The following CSNK1A1 variants were observed in gnomAD, a reference collection of about 807,000 sequenced individuals.
CSNK1A1 encodes the protein casein kinase 1 alpha 1.
CSNK1A1 carries 7 observed loss-of-function variants against 46.1 expected under a neutral mutation model. The ratio of observed to expected loss-of-function variants is 0.15; its 90% CI spans 0.09 to 0.29. CSNK1A1 has a LOEUF of 0.29. Among genes scored for constraint, CSNK1A1 ranks in the 10% least tolerant of loss-of-function variants. The pLI, the probability that CSNK1A1 is intolerant of heterozygous loss-of-function variation, is 1.00. For synonymous variants in CSNK1A1, 137 were observed against 141.5 expected (o/e 0.97, Z 0.23); for missense variants, 96 against 417.1 (o/e 0.23, Z 6.71).
At chr5:149,499,926 C>T (rs1760770051) in intron 9 of CSNK1A1, among the ~76,000 whole-genome samples, 3 of 147,866 alleles carry the variant, frequency 2.0e-5, no homozygotes, top group Non-Finnish European at 3.0e-5. Flanking sequence ...TTTATACTAA[C>T]TTTTCCTATA....
intron 2 of CSNK1A1, among the ~76,000 whole-genome samples, chr5:149,537,607 GA>G (rs1418120500): frequency 1.3e-5 from 2 of 150,334 alleles, no homozygotes; most frequent in Admixed American, 6.6e-5. Context: ...ACAAAACAAA[GA>G]AAAAAAATAA....
intron 2 of CSNK1A1, chr5:149,549,293 G>C: frequency 1.8e-6 from 1 of 570,836 alleles, no homozygotes; most frequent in South Asian, 2.1e-5. Flanking sequence ...ATTTAGTCCC[G>C]ACTGAAACGT....
chr5:149,514,572 C>G (rs1761340804), intron 4 of CSNK1A1, among the ~76,000 whole-genome samples: 2 of 152,286 alleles, frequency 1.3e-5, no homozygotes, highest in South Asian at 4.1e-4. Context: ...CTCCATTAGA[C>G]TACTGGGTCC....
chr5:149,541,419 C>T (rs1420640987), intron 2 of CSNK1A1, among the ~76,000 whole-genome samples: 1 of 152,030 alleles, frequency 6.6e-6, no homozygotes, highest in Non-Finnish European at 1.5e-5. Flanking sequence ...TCCCAAAGTG[C>T]TGGGATTACA....
intron 2 of CSNK1A1, among the ~76,000 whole-genome samples, chr5:149,545,994 T>C (rs1762468952): frequency 6.6e-6 from 1 of 151,670 alleles, no homozygotes; most frequent in Non-Finnish European, 1.5e-5. Context: ...GTTCAAGCAA[T>C]TCTCCTGCCT....
rs201494440 is a variant in CSNK1A1, at chr5:149,550,190, G to A, written c.124-9C>T. The A allele has an allele frequency of 1.2e-6, 2 of 1,612,924 alleles. No individual in the cohort carries two copies. The highest frequency in any genetic ancestry group is 1.3e-5 in the African/African-American group (1 of 75,030). On this transcript the variant is annotated splice_polypyrimidine_tract_variant and intron_variant, in intron 1 of 9. Transcript: ENST00000377843. This position sits in a 1 kb window ranked among gnomAD's most constrained non-coding sequence, Gnocchi z 4.3. ...AGCTTCACTGCCACTTCCTGCAGGG[G>A]AAAGAGGGGATGATGGCATCAACAT...
chr5:149,533,127 A>T (rs1761951486), intron 2 of CSNK1A1, among the ~76,000 whole-genome samples: 1 of 152,222 alleles, frequency 6.6e-6, no homozygotes, highest in Non-Finnish European at 1.5e-5. Context: ...CTTCAAAGAT[A>T]TGTAGATGTT....
In CSNK1A1 at chr5:149,493,919, C is replaced by T. The variant is rs1396248874; in HGVS notation, c.*2934G>A. On this transcript the variant is annotated 3_prime_UTR_variant, in exon 10 of 10. Coordinates refer to ENST00000377843, the MANE Select transcript of CSNK1A1 (RefSeq NM_001892.6). ...TATACCAGTTTGAGTCAGAACCAGACTGTTCCAGACTAGTTGGAAAACGAC... is the reference window on the plus strand; with the variant it reads ...TATACCAGTTTGAGTCAGAACCAGATTGTTCCAGACTAGTTGGAAAACGAC... The T allele has an allele frequency of 6.6e-6, 1 of 151,996 alleles. No individual in the cohort carries two copies. The highest frequency in any genetic ancestry group is 1.5e-5 in the Non-Finnish European group (1 of 67,936). 9.4% of individuals were successfully genotyped at this position (151,996 alleles called of 1,614,324 possible).
intron 2 of CSNK1A1, among the ~76,000 whole-genome samples, chr5:149,546,706 A>G (rs1762494486): frequency 6.6e-6 from 1 of 152,198 alleles, no homozygotes; most frequent in Non-Finnish European, 1.5e-5. Flanking sequence ...AAATTTGTAT[A>G]TGAAGGATAA....
intron 2 of CSNK1A1, among the ~76,000 whole-genome samples, chr5:149,532,454 A>T (rs1037835375): frequency 1.3e-5 from 2 of 151,418 alleles, no homozygotes; most frequent in African/African-American, 4.9e-5. Flanking sequence ...GCACTTTGGG[A>T]GGTCGAGGCA....
chr5:149,497,401 A>C (rs1446513547), intron 9 of CSNK1A1: 2 of 985,738 alleles, frequency 2.0e-6, no homozygotes, highest in African/African-American at 3.5e-5. Context: ...AAACTTCTTT[A>C]CCGGCCGCAT....
rs1760624025 is a variant in CSNK1A1 at position 149,495,422 on chromosome 5, T to G, written c.*1431A>C. 6.6e-6 allele frequency: 1 copy of G among 152,116 alleles called. No individual in the cohort carries two copies. Among genetic ancestry groups the G allele is most frequent in the Admixed American group, 6.5e-5 (1 of 15,272 alleles). 9.4% of individuals were successfully genotyped at this position (152,116 alleles called of 1,614,324 possible). A position where few individuals can be genotyped will look rare whatever the true frequency, so the allele number is the denominator to read the frequency against. ...TATTTAAAAATTATCATCAGTAAGT[T>G]TTCCTTTCTCATGGGTCAGAGAAAA... is the stretch of plus-strand genomic sequence containing the variant. On this transcript the variant is annotated 3_prime_UTR_variant, in exon 10 of 10. Coordinates refer to ENST00000377843, the MANE Select transcript of CSNK1A1 (RefSeq NM_001892.6).
At position 149,495,500 on chromosome 5, in the gene CSNK1A1, T is replaced by TA. The variant is rs1760627068; in HGVS notation, c.*1352dup. 6.6e-6 allele frequency: 1 copy of TA among 151,980 alleles called. No homozygotes were observed. The highest frequency in any genetic ancestry group is 2.1e-4 in the South Asian group (1 of 4,828). The allele number at this position is 151,980 out of a possible 1,614,324, so 9.4% of individuals were successfully genotyped here. ...AGGAAGCGCACGCACACAGATAACTTAAAGAAGCAGGAGGGGCTGGGGAGG... is the reference window on the plus strand; with the variant it reads ...AGGAAGCGCACGCACACAGATAACTTAAAAGAAGCAGGAGGGGCTGGGGAGG... On this transcript the variant is annotated 3_prime_UTR_variant, in exon 10 of 10. Transcript: ENST00000377843.
At chr5:149,528,717 C>G (rs2113136198) in intron 2 of CSNK1A1, among the ~76,000 whole-genome samples, 1 of 152,324 alleles carries the variant, frequency 6.6e-6, no homozygotes, top group East Asian at 1.9e-4. Flanking sequence ...AAGCCATTAA[C>G]TATTGCTTGT....
intron 9 of CSNK1A1, 70 bp from the exon 10 acceptor site, chr5:149,496,930 T>C (rs912284175): frequency 1.3e-6 from 2 of 1,523,244 alleles, no homozygotes; most frequent in Admixed American, 2.1e-5. Flanking sequence ...ACCCAAAATA[T>C]GGAAATTGGG....
At chr5:149,502,560 G>T (rs1175969195) in intron 9 of CSNK1A1, 1 of 423,782 alleles carries the variant, frequency 2.4e-6, no homozygotes, top group Non-Finnish European at 3.1e-6. Context: ...AGGGAGCTGG[G>T]ACAGGGTCTT....
chr5:149,514,598 A>G (rs1211453244), intron 4 of CSNK1A1, among the ~76,000 whole-genome samples: 1 of 152,118 alleles, frequency 6.6e-6, no homozygotes, highest in Non-Finnish European at 1.5e-5. Context: ...GCCAGTTTAT[A>G]ATTTGTGATG....
rs1760620196 is a variant in CSNK1A1 at position 149,495,287 on chromosome 5, T to C, written c.*1566A>G. 6.6e-6 allele frequency: 1 copy of C among 152,224 alleles called. No homozygotes were observed. Among genetic ancestry groups the C allele is most frequent in the African/African-American group, 2.4e-5 (1 of 41,460 alleles). 9.4% of individuals were successfully genotyped at this position (152,224 alleles called of 1,614,324 possible). ...ACCAAACACGTGTCAATTTACAATT[T>C]CAAGGTTATTTTACAAAATACCTAC... On this transcript the variant is annotated 3_prime_UTR_variant, in exon 10 of 10. Coordinates refer to ENST00000377843, the MANE Select transcript of CSNK1A1 (RefSeq NM_001892.6).
intron 9 of CSNK1A1, chr5:149,502,912 G>A (rs1005289587): frequency 5.3e-5 from 30 of 563,340 alleles, no homozygotes; most frequent in Non-Finnish European, 6.7e-5. Flanking sequence ...GGGACCATAG[G>A]TGCACGCCAC....
Sources: allele counts gnomAD v4.1 joint callset (sites outside exome capture counted in the v4.1 genomes callset), GRCh38; gene constraint gnomAD v4.1.1; non-coding constraint Gnocchi (gnomAD v3.1); transcripts MANE v1.5; gene names NCBI Gene and HGNC (gene_info 2026-07-23, HGNC 2026-07-21).